The following KCNH8 variants were observed in gnomAD, a reference collection of about 807,000 sequenced individuals.
KCNH8 encodes the protein voltage-gated delayed rectifier potassium channel KCNH8.
A neutral mutation model predicts 103.6 loss-of-function variants in KCNH8; 70 were observed. The observed-to-expected ratio is 0.68, with a 90% CI of 0.56 to 0.82. The LOEUF (loss-of-function observed/expected upper bound fraction) is 0.82, where lower values mean the gene tolerates loss of function less well. Ranked by LOEUF, KCNH8 falls within the 40% of genes least tolerant of loss-of-function variation. The pLI is 0.00. For missense variants in KCNH8, 1,217 were observed against 1,329.9 expected (o/e 0.92, Z 1.32); for synonymous variants, 498 against 489.4 (o/e 1.02, Z -0.23).
chr3:19,468,980 A>C (rs182425423), intron 11 of KCNH8, among the ~76,000 whole-genome samples: 13 of 152,340 alleles, frequency 8.5e-5, no homozygotes, highest in Middle Eastern at 6.8e-3. Context: ...TTCAGTCTGA[A>C]ATAAAATTGG....
chr3:19,272,188 G>C (rs1020675779), intron 2 of KCNH8, among the ~76,000 whole-genome samples: 2 of 152,108 alleles, frequency 1.3e-5, no homozygotes, highest in African/African-American at 4.8e-5. Flanking sequence ...TGGATGGTTT[G>C]CCCATTCCTC....
intron 3 of KCNH8, among the ~76,000 whole-genome samples, chr3:19,296,146 CA>C (rs1335965678): frequency 6.6e-6 from 1 of 152,136 alleles, no homozygotes; most frequent in African/African-American, 2.4e-5. Flanking sequence ...ATAGAAGTTT[CA>C]AAGGCAAATG....
At chr3:19,317,374 A>G (rs149625040) in intron 3 of KCNH8, among the ~76,000 whole-genome samples, 3 of 152,050 alleles carry the variant, frequency 2.0e-5, no homozygotes, top group African/African-American at 2.4e-5. Flanking sequence ...ATAGAACTTA[A>G]TTACTTTTCA....
At chr3:19,324,913 T>G (rs75911008) in intron 3 of KCNH8, among the ~76,000 whole-genome samples, 1 of 151,942 alleles carries the variant, frequency 6.6e-6, no homozygotes, top group Non-Finnish European at 1.5e-5. Flanking sequence ...AAGCTGGAGG[T>G]ATCAGGCTAC....
At chr3:19,265,990 G>C (rs1463346092) in intron 2 of KCNH8, among the ~76,000 whole-genome samples, 3 of 151,944 alleles carry the variant, frequency 2.0e-5, no homozygotes, top group African/African-American at 7.2e-5. Context: ...ATCTCAATCT[G>C]CAGACCAACC....
At chr3:19,349,226 G>A (rs146096575) in intron 5 of KCNH8, among the ~76,000 whole-genome samples, 2,105 of 151,852 alleles carry the variant, frequency 0.014, 25 homozygotes, top group South Asian at 0.035. Flanking sequence ...AACCATAAAG[G>A]GATCTATTAA....
chr3:19,504,546 A>G (rs1041284788), intron 11 of KCNH8, among the ~76,000 whole-genome samples: 2 of 152,222 alleles, frequency 1.3e-5, no homozygotes, highest in Non-Finnish European at 2.9e-5. Context: ...TTTTCAAAAA[A>G]AGACCTACAA....
intron 1 of KCNH8, among the ~76,000 whole-genome samples, chr3:19,183,404 A>G (rs2063474716): frequency 6.6e-6 from 1 of 152,144 alleles, no homozygotes; most frequent in South Asian, 2.1e-4. Flanking sequence ...GTAAGTAGGT[A>G]AGAAGGTATC....
rs913531656 is a variant in KCNH8 at position 19,450,746 on chromosome 3, G to A, written c.1576-409G>A. 21 of 261,096 alleles carry A rather than the reference G, an allele frequency of 8.0e-5. No homozygotes were observed. The East Asian group carries it at 1.6e-3, about 20-fold the overall frequency. The allele number at this position is 261,096 out of a possible 1,614,324, so 16.2% of individuals were successfully genotyped here. A position where few individuals can be genotyped will look rare whatever the true frequency, so the allele number is the denominator to read the frequency against. Reference sequence around the variant, plus strand: ...TAAAAACAGTATTATATAAATCAACGAACCATTTCATCAACCCACCAGCCA... The same window carrying A: ...TAAAAACAGTATTATATAAATCAACAAACCATTTCATCAACCCACCAGCCA... On this transcript the variant is annotated intron_variant, in intron 9 of 15. Coordinates refer to ENST00000328405, the MANE Select transcript of KCNH8 (RefSeq NM_144633.3).
chr3:19,265,060 G>A (rs945912241), intron 2 of KCNH8, among the ~76,000 whole-genome samples: 2 of 152,050 alleles, frequency 1.3e-5, no homozygotes, highest in Admixed American at 6.6e-5. Flanking sequence ...CCCTTGGGGT[G>A]AGTGATTGAC....
chr3:19,296,763 G>C (rs77871314), intron 3 of KCNH8, among the ~76,000 whole-genome samples: 165 of 152,004 alleles, frequency 1.1e-3, no homozygotes, highest in Non-Finnish European at 2.1e-3. Flanking sequence ...TCAGGTGATG[G>C]GTGCACCAAA....
intron 3 of KCNH8, among the ~76,000 whole-genome samples, chr3:19,333,426 A>G (rs922219055): frequency 1.3e-5 from 2 of 152,198 alleles, no homozygotes; most frequent in Non-Finnish European, 2.9e-5. Context: ...TGGTAAGAAT[A>G]CAAAGCTGAC....
At position 19,285,632 on chromosome 3, in the gene KCNH8, C is replaced by T. The variant is rs542211479; in HGVS notation, c.442+4303C>T. Reference sequence around the variant, plus strand: ...GTGACTTCATTTACTTCTCATAACTCTGTGAAATAAGTATTATTCCTATTC... The same window carrying T: ...GTGACTTCATTTACTTCTCATAACTTTGTGAAATAAGTATTATTCCTATTC... On this transcript the variant is annotated intron_variant, in intron 3 of 15. Coordinates refer to ENST00000328405, the MANE Select transcript of KCNH8 (RefSeq NM_144633.3). Among the ~76,000 whole-genome samples, 10 of 151,704 alleles carry T rather than the reference C, an allele frequency of 6.6e-5. No homozygotes were observed. The South Asian group carries it at 1.2e-3, about 19-fold the overall frequency.
At chr3:19,277,203 A>AG (rs1050663843) in intron 2 of KCNH8, among the ~76,000 whole-genome samples, 1 of 152,070 alleles carries the variant, frequency 6.6e-6, no homozygotes, top group Non-Finnish European at 1.5e-5. Flanking sequence ...TAGGAAGGGG[A>AG]GGCAGGGGGA....
At chr3:19,157,554 G>A (rs752087648) in intron 1 of KCNH8, among the ~76,000 whole-genome samples, 24 of 152,020 alleles carry the variant, frequency 1.6e-4, no homozygotes, top group Non-Finnish European at 3.2e-4. Context: ...ATTGCTTCTG[G>A]CAAGTCAAAA....
intron 11 of KCNH8, among the ~76,000 whole-genome samples, chr3:19,480,477 G>C (rs2068065483): frequency 6.6e-6 from 1 of 152,152 alleles, no homozygotes; most frequent in African/African-American, 2.4e-5. Flanking sequence ...ACAATAATTA[G>C]TGGAAATTCT....
intron 11 of KCNH8, among the ~76,000 whole-genome samples, chr3:19,476,417 A>T (rs759547641): frequency 2.0e-4 from 30 of 152,068 alleles, no homozygotes; most frequent in Non-Finnish European, 4.1e-4. Context: ...TTCTTAACCG[A>T]CCTGGTTTGA....
chr3:19,473,207 T>G (rs2067899490), intron 11 of KCNH8, among the ~76,000 whole-genome samples: 1 of 152,230 alleles, frequency 6.6e-6, no homozygotes, highest in African/African-American at 2.4e-5. Flanking sequence ...AATGGGTTAG[T>G]CTTCTTCTGA....
intron 1 of KCNH8, among the ~76,000 whole-genome samples, chr3:19,229,194 T>C (rs1252570522): frequency 1.3e-5 from 2 of 152,232 alleles, no homozygotes; most frequent in Non-Finnish European, 2.9e-5. Flanking sequence ...GTAAATGATA[T>C]TGCCACTACT....
Sources: gnomAD v4.1 joint callset for allele counts (sites outside exome capture counted in the v4.1 genomes callset) on GRCh38, gnomAD v4.1.1 for gene constraint, MANE v1.5 for transcripts, NCBI Gene and HGNC (gene_info 2026-07-23, HGNC 2026-07-21) for gene names.